Variants in PCMT1 observed in about 807,000 individuals in gnomAD.
PCMT1 encodes protein-L-isoaspartate(D-aspartate) O-methyltransferase.
Under a neutral mutation model 29.2 loss-of-function variants are expected in PCMT1, and 9 were observed. The observed-to-expected ratio is 0.31, with a 90% CI of 0.19 to 0.54. PCMT1 has a LOEUF of 0.54. PCMT1 is among the 20% of genes least tolerant of loss of function. PCMT1 has a pLI of 0.95. For missense variants in PCMT1, 184 were observed against 282.2 expected (o/e 0.65, Z 2.49); for synonymous variants, 98 against 97.5 (o/e 1.00, Z -0.03).
intron 5 of PCMT1, chr6:149,795,001 T>C: frequency 2.7e-6 from 1 of 367,858 alleles, no homozygotes; most frequent in East Asian, 8.1e-5. Flanking sequence ...GAGACCAGCC[T>C]GGCCAACATG....
At chr6:149,772,949 G>A (rs376128127) in intron 2 of PCMT1, among the ~76,000 whole-genome samples, 189 bp from the exon 3 acceptor site, 3 of 151,088 alleles carry the variant, frequency 2.0e-5, no homozygotes. Flanking sequence ...CCTGGGAGGC[G>A]GAGCTTGCAG....
At chr6:149,780,579 C>G (rs1583031341) in intron 3 of PCMT1, among the ~76,000 whole-genome samples, 1 of 152,270 alleles carries the variant, frequency 6.6e-6, no homozygotes, top group East Asian at 1.9e-4. Flanking sequence ...TTTGCCTATT[C>G]TAGACATTTC....
At chr6:149,786,541 G>T (rs1306127813) in intron 3 of PCMT1, among the ~76,000 whole-genome samples, 3 of 117,176 alleles carry the variant, frequency 2.6e-5, no homozygotes, top group Non-Finnish European at 4.9e-5. Context: ...GGGCGGAGGG[G>T]CTCCTCACTT....
intron 3 of PCMT1, among the ~76,000 whole-genome samples, chr6:149,781,468 G>A (rs200449210): frequency 6.6e-6 from 1 of 151,902 alleles, no homozygotes; most frequent in Non-Finnish European, 1.5e-5. Flanking sequence ...CTCGTGATCC[G>A]CCCACCTCAG....
At chr6:149,767,645 G>A (rs1583016535) in intron 1 of PCMT1, among the ~76,000 whole-genome samples, 1 of 151,702 alleles carries the variant, frequency 6.6e-6, no homozygotes. Context: ...GTAGAGATGG[G>A]GTCTCTTCGT....
chr6:149,796,824 TG>T (rs199551472), intron 6 of PCMT1: 319 of 182,146 alleles, frequency 1.8e-3, no homozygotes, highest in Middle Eastern at 6.7e-3. Context: ...TTTTGTTTTT[TG>T]TTTTTGAGGT....
chr6:149,778,898 A>C (rs571058923), intron 3 of PCMT1, among the ~76,000 whole-genome samples: 1 of 152,294 alleles, frequency 6.6e-6, no homozygotes, highest in East Asian at 1.9e-4. Flanking sequence ...CTATTCAATA[A>C]GTGATTAAAA....
chr6:149,756,760 AG>A (rs752392681), intron 1 of PCMT1, among the ~76,000 whole-genome samples: 263 of 151,812 alleles, frequency 1.7e-3, no homozygotes, highest in Non-Finnish European at 2.8e-3. Flanking sequence ...CAAAGTCCAG[AG>A]GCCTTCTCAT....
At chr6:149,776,651 G>T (rs1487580514) in intron 3 of PCMT1, among the ~76,000 whole-genome samples, 1 of 152,090 alleles carries the variant, frequency 6.6e-6, no homozygotes. Flanking sequence ...GGGCTCTAGT[G>T]ATCCTCTTGC....
intron 3 of PCMT1, among the ~76,000 whole-genome samples, chr6:149,785,347 G>A (rs1787980014): frequency 1.1e-5 from 1 of 87,400 alleles, no homozygotes; most frequent in Non-Finnish European, 2.0e-5. Flanking sequence ...TTTGGCATTG[G>A]CTGTTTTCTT....
At chr6:149,794,612 G>A (rs189989882) in intron 5 of PCMT1, among the ~76,000 whole-genome samples, 3 of 152,154 alleles carry the variant, frequency 2.0e-5, no homozygotes, top group Non-Finnish European at 2.9e-5. Flanking sequence ...GCTAGAGTCC[G>A]TCTCAAAAAA....
At chr6:149,778,928 G>A (rs560452392) in intron 3 of PCMT1, among the ~76,000 whole-genome samples, 72 of 152,264 alleles carry the variant, frequency 4.7e-4, no homozygotes, top group Non-Finnish European at 7.5e-4. Context: ...ATAGTCTTAA[G>A]ATAATCTGCA....
intron 1 of PCMT1, among the ~76,000 whole-genome samples, chr6:149,769,305 A>ATTTT (rs1234622188): frequency 2.1e-4 from 10 of 48,116 alleles, no homozygotes; most frequent in African/African-American, 1.2e-3. Context: ...TTTGTGCAGG[A>ATTTT]TTCTTTTTTT....
At chr6:149,803,570 G>A (rs1348364266) in intron 7 of PCMT1, among the ~76,000 whole-genome samples, 1 of 151,982 alleles carries the variant, frequency 6.6e-6, no homozygotes, top group Non-Finnish European at 1.5e-5. Flanking sequence ...GTACATAACA[G>A]TGCCATTAGC....
intron 3 of PCMT1, among the ~76,000 whole-genome samples, chr6:149,787,551 CAG>C (rs1359543211): frequency 6.6e-6 from 1 of 151,782 alleles, no homozygotes; most frequent in Non-Finnish European, 1.5e-5. Flanking sequence ...TTAGCAGAGA[CAG>C]GGTTTCATCA....
At chr6:149,778,722 A>G (rs928975849) in intron 3 of PCMT1, among the ~76,000 whole-genome samples, 1 of 151,852 alleles carries the variant, frequency 6.6e-6, no homozygotes, top group African/African-American at 2.4e-5. Flanking sequence ...CATTTTCTGT[A>G]GAGATGAGGA....
chr6:149,806,285 G>A (rs1041834604), intron 7 of PCMT1, among the ~76,000 whole-genome samples: 1 of 152,104 alleles, frequency 6.6e-6, no homozygotes, highest in Non-Finnish European at 1.5e-5. Flanking sequence ...CTCGCGGTAG[G>A]GAGCCAGGCA....
chr6:149,785,730 TCACAGATCAACAGGATC>T (rs1788009877), intron 3 of PCMT1, among the ~76,000 whole-genome samples: 1 of 151,564 alleles, frequency 6.6e-6, no homozygotes. Context: ...GGGGGTAAGG[TCACAGATCAACAGGATC>T]CCAAGGCAGA....
At position 149,771,727 on chromosome 6, in the gene PCMT1, A is replaced by G. The variant is rs568568006; in HGVS notation, c.160+461A>G. ...AGACGGGGTTTCAGCGTGTTGCCCAAGCTGGTCTCGGAACTCCTGAGCTCA... is the reference window on the plus strand; with the variant it reads ...AGACGGGGTTTCAGCGTGTTGCCCAGGCTGGTCTCGGAACTCCTGAGCTCA... On this transcript the variant is annotated intron_variant, in intron 2 of 7. Coordinates refer to ENST00000464889, the MANE Select transcript of PCMT1 (RefSeq NM_001360452.2). Among the ~76,000 whole-genome samples, 160 of 152,118 alleles carry G rather than the reference A, an allele frequency of 1.1e-3. 1 individual carries two copies. Among genetic ancestry groups the G allele is most frequent in the African/African-American group, 3.7e-3 (154 of 41,516 alleles).
Sources: gnomAD v4.1 joint callset for allele counts (sites outside exome capture counted in the v4.1 genomes callset) on GRCh38, gnomAD v4.1.1 for gene constraint, MANE v1.5 for transcripts, NCBI Gene and HGNC (gene_info 2026-07-23, HGNC 2026-07-21) for gene names.